Variants in GRIN3A observed in about 807,000 individuals in gnomAD.
GRIN3A encodes the protein glutamate receptor ionotropic, NMDA 3A.
Under a neutral mutation model 92.4 loss-of-function variants are expected in GRIN3A, and 47 were observed. The ratio of observed to expected loss-of-function variants is 0.51; its 90% confidence interval spans 0.40 to 0.65. GRIN3A has a LOEUF of 0.65. GRIN3A is among the 30% of genes least tolerant of loss of function. The probability of loss-of-function intolerance (pLI) is 0.00; values close to 1 mark genes in which losing one functional copy is unlikely to be tolerated. For synonymous variants in GRIN3A, 527 were observed against 540.6 expected, an observed-to-expected ratio of 0.97 and a Z score of 0.35; for missense variants, 1,324 against 1,393.1, an observed-to-expected ratio of 0.95 and a Z score of 0.79.
rs1451906240 is a variant in GRIN3A at position 101,569,469 on chromosome 9, C to T, written c.*3705G>A. 1.3e-5 allele frequency: 2 copies of T among 152,142 alleles called. No homozygotes were observed. Among genetic ancestry groups the T allele is most frequent in the Non-Finnish European group, 2.9e-5 (2 of 68,006 alleles). 9.4% of individuals were successfully genotyped at this position (152,142 alleles called of 1,614,324 possible). ...GAAAAGTGGCTGGAGCAAAACAGCC[C>T]GTTCACTTCATGCTCACAAGACAGC... On this transcript the variant is annotated 3_prime_UTR_variant, in exon 9 of 9. Coordinates refer to ENST00000361820, the MANE Select transcript of GRIN3A (RefSeq NM_133445.3).
rs1322603340 is a variant in GRIN3A at position 101,615,769 on chromosome 9, T to C, written c.2615-2242A>G. ...AGAGCCCAGTATGTCCTAGTACTTA[T>C]TATTAGAATCCAAGGATGATTTAAC... On this transcript the variant is annotated intron_variant, in intron 5 of 8. Coordinates refer to ENST00000361820, the MANE Select transcript of GRIN3A (RefSeq NM_133445.3). Among the ~76,000 whole-genome samples the C allele has an allele frequency of 2.6e-5, 4 of 152,168 alleles. No homozygotes were observed. In the East Asian group the frequency reaches 7.7e-4, roughly 29 times the overall value.
intron 1 of GRIN3A, among the ~76,000 whole-genome samples, chr9:101,723,296 G>C (rs978985850): frequency 2.0e-5 from 3 of 151,840 alleles, no homozygotes; most frequent in African/African-American, 7.3e-5. Context: ...TCGCTGGCTC[G>C]GGAGTGAAGC....
chr9:101,721,468 AC>A (rs1211596113), intron 1 of GRIN3A, among the ~76,000 whole-genome samples: 1 of 152,164 alleles, frequency 6.6e-6, no homozygotes, highest in Non-Finnish European at 1.5e-5. Context: ...CTGAAAAGAT[AC>A]CCGAAAATGT....
At chr9:101,590,413 G>T (rs567111973) in intron 6 of GRIN3A, among the ~76,000 whole-genome samples, 11 of 127,452 alleles carry the variant, frequency 8.6e-5, no homozygotes, top group African/African-American at 2.9e-4. Flanking sequence ...ATGGAATCTC[G>T]CTCTGTCACC....
In GRIN3A at chr9:101,573,168, G is replaced by A; in HGVS notation, c.*6C>T. The A allele has an allele frequency of 1.2e-6, 2 of 1,610,314 alleles. No homozygotes were observed. The highest frequency in any genetic ancestry group is 1.7e-6 in the Non-Finnish European group (2 of 1,176,604). ...AGGAACTGAGAAAGGGAAGCAGTGT[G>A]GTCACCTAGGACTCACAAGTCCGAC... On this transcript the variant is annotated 3_prime_UTR_variant, in exon 9 of 9. Coordinates refer to ENST00000361820, the MANE Select transcript of GRIN3A (RefSeq NM_133445.3).
At chr9:101,615,531 T>A (rs1828434383) in intron 5 of GRIN3A, among the ~76,000 whole-genome samples, 1 of 151,768 alleles carries the variant, frequency 6.6e-6, no homozygotes, top group Non-Finnish European at 1.5e-5. Context: ...TAATTTTTTG[T>A]ATTTTTAGTA....
intron 5 of GRIN3A, among the ~76,000 whole-genome samples, chr9:101,618,702 C>T (rs546117161): frequency 6.6e-6 from 1 of 152,208 alleles, no homozygotes; most frequent in Admixed American, 6.5e-5. Context: ...GATGAGAAGA[C>T]TTATTTGTTA....
chr9:101,641,218 G>T (rs1488931816), intron 3 of GRIN3A, among the ~76,000 whole-genome samples: 1 of 152,198 alleles, frequency 6.6e-6, no homozygotes, highest in Non-Finnish European at 1.5e-5. Context: ...CATTGTGGAA[G>T]TCAGTTTGGC....
intron 1 of GRIN3A, among the ~76,000 whole-genome samples, chr9:101,723,889 G>A (rs187922788): frequency 1.6e-4 from 24 of 152,192 alleles, no homozygotes; most frequent in African/African-American, 5.8e-4. Context: ...TAGACATAAA[G>A]GTTCTCCAAG....
chr9:101,616,632 A>C (rs1471286052), intron 5 of GRIN3A, among the ~76,000 whole-genome samples: 1 of 151,362 alleles, frequency 6.6e-6, no homozygotes, highest in South Asian at 2.1e-4. Flanking sequence ...CTTTTAAAGA[A>C]AAAGATTGTG....
rs934543846 is a variant in GRIN3A at position 101,569,399 on chromosome 9, T to C, written c.*3775A>G. On this transcript the variant is annotated 3_prime_UTR_variant, in exon 9 of 9. Coordinates refer to ENST00000361820, the MANE Select transcript of GRIN3A (RefSeq NM_133445.3). ...ATTCCACAGTCATAGAAACTGAAGA[T>C]GGAAAAGACCTGAGGACATCTAATC... 1 of 152,172 alleles carries C rather than the reference T, an allele frequency of 6.6e-6. No individual in the cohort carries two copies. The highest frequency in any genetic ancestry group is 1.5e-5 in the Non-Finnish European group (1 of 68,044). 9.4% of individuals were successfully genotyped at this position (152,172 alleles called of 1,614,324 possible).
At chr9:101,707,588 C>T (rs1829828771) in intron 1 of GRIN3A, among the ~76,000 whole-genome samples, 1 of 152,128 alleles carries the variant, frequency 6.6e-6, no homozygotes, top group East Asian at 1.9e-4. Context: ...ATTTTTAATA[C>T]ACTCATCTCT....
intron 1 of GRIN3A, among the ~76,000 whole-genome samples, chr9:101,688,644 A>T (rs1829569416): frequency 6.6e-6 from 1 of 152,274 alleles, no homozygotes; most frequent in Non-Finnish European, 1.5e-5. Flanking sequence ...AGGATTGGCC[A>T]GGCACGGTGG....
At chr9:101,651,304 C>T (rs1304927653) in intron 3 of GRIN3A, among the ~76,000 whole-genome samples, 1 of 151,744 alleles carries the variant, frequency 6.6e-6, no homozygotes, top group Admixed American at 6.6e-5. Flanking sequence ...TGTCTCTACT[C>T]CTGTGGAGAA....
intron 2 of GRIN3A, among the ~76,000 whole-genome samples, chr9:101,678,783 A>G (rs999671774): frequency 2.6e-5 from 4 of 152,226 alleles, no homozygotes; most frequent in Non-Finnish European, 5.9e-5. Flanking sequence ...AGTCATACAC[A>G]CAGACATGGT....
At chr9:101,600,280 T>G (rs1828194838) in intron 6 of GRIN3A, among the ~76,000 whole-genome samples, 1 of 152,202 alleles carries the variant, frequency 6.6e-6, no homozygotes, top group Admixed American at 6.5e-5. Flanking sequence ...TCAAGTAGAC[T>G]GTATGCATAC....
chr9:101,570,994 A>G lies in GRIN3A; in HGVS notation c.*2180T>C, dbSNP rs1827751694. ...TACATCAGCCTTCCGGGCTGCACAG[A>G]GGTTCAGGGGCACGCAGAGCATGGT... On this transcript the variant is annotated 3_prime_UTR_variant, in exon 9 of 9. Transcript: ENST00000361820. 1 of 152,360 alleles carries G rather than the reference A, an allele frequency of 6.6e-6. No homozygotes were observed. 9.4% of individuals were successfully genotyped at this position (152,360 alleles called of 1,614,324 possible).
chr9:101,712,540 C>T (rs954544387), intron 1 of GRIN3A, among the ~76,000 whole-genome samples: 6 of 152,142 alleles, frequency 3.9e-5, no homozygotes, highest in African/African-American at 1.4e-4. Context: ...TGTTCAACCC[C>T]AAATTACAGT....
At chr9:101,708,288 T>C (rs1829835628) in intron 1 of GRIN3A, among the ~76,000 whole-genome samples, 1 of 152,186 alleles carries the variant, frequency 6.6e-6, no homozygotes, top group Non-Finnish European at 1.5e-5. Context: ...GAATTTAACA[T>C]TATTTATGCA....
Sources: allele counts gnomAD v4.1 joint callset (sites outside exome capture counted in the v4.1 genomes callset), GRCh38; gene constraint gnomAD v4.1.1; transcripts MANE v1.5; gene names NCBI Gene and HGNC (gene_info 2026-07-23, HGNC 2026-07-21).